Variants in ABCC6 observed in about 807,000 individuals in gnomAD.
ABCC6 encodes ATP binding cassette subfamily C member 6.
Under a neutral mutation model 169.5 loss-of-function variants are expected in ABCC6, and 126 were observed. That is an observed-to-expected ratio of 0.74 (90% CI 0.64 to 0.86). The LOEUF (loss-of-function observed/expected upper bound fraction) is 0.86. Among genes scored for constraint, ABCC6 ranks in the 40% least tolerant of loss-of-function variants. The pLI, the probability that ABCC6 is intolerant of heterozygous loss-of-function variation, is 0.00. For synonymous variants in ABCC6, 752 were observed against 814.7 expected, an observed-to-expected ratio of 0.92 and a Z score of 1.31; for missense variants, 1,733 against 1,927.2, an observed-to-expected ratio of 0.90 and a Z score of 1.89.
At chr16:16,183,792 C>T (rs1029351116) in intron 15 of ABCC6, among the ~76,000 whole-genome samples, 1 of 152,128 alleles carries the variant, frequency 6.6e-6, no homozygotes, top group Non-Finnish European at 1.5e-5. Context: ...CACACGACAG[C>T]CCCCAACAAA....
chr16:16,195,303 A>ATTT (rs61393724), intron 10 of ABCC6, among the ~76,000 whole-genome samples: 17 of 96,612 alleles, frequency 1.8e-4, no homozygotes, highest in African/African-American at 5.4e-4. Context: ...GTCTCATCTA[A>ATTT]TTTTTTTTTT....
intron 29 of ABCC6, among the ~76,000 whole-genome samples, chr16:16,151,896 TAA>T (rs1376228832): frequency 1.3e-5 from 2 of 151,892 alleles, no homozygotes. Context: ...ACATGGCACA[TAA>T]AAGTGTGTGG....
At chr16:16,154,325 A>G (rs1448918127) in intron 29 of ABCC6, among the ~76,000 whole-genome samples, 1 of 152,176 alleles carries the variant, frequency 6.6e-6, no homozygotes, top group Non-Finnish European at 1.5e-5. Context: ...GATATCAAAC[A>G]ATATTTTCAT....
At chr16:16,193,796 T>C (rs2047945040) in intron 10 of ABCC6, among the ~76,000 whole-genome samples, 1 of 152,166 alleles carries the variant, frequency 6.6e-6, no homozygotes, top group South Asian at 2.1e-4. Flanking sequence ...GAACCCTCTT[T>C]TGGGATCTGG....
intron 21 of ABCC6, among the ~76,000 whole-genome samples, chr16:16,172,092 G>A (rs1596631219): frequency 1.4e-5 from 2 of 147,344 alleles, no homozygotes; most frequent in African/African-American, 5.1e-5. Context: ...ATGAGTGGGT[G>A]GGATGGCTAA....
In ABCC6 at chr16:16,161,706, G is replaced by A. The variant is rs930227151; in HGVS notation, c.3507-142C>T. The A allele has an allele frequency of 5.3e-6, 6 of 1,139,216 alleles. No individual in the cohort carries two copies. In the Admixed American group the frequency reaches 5.9e-5, roughly 11 times the overall value. The allele number at this position is 1,139,216 out of a possible 1,614,324, so 70.6% of individuals were successfully genotyped here. ...GCCTCCACATGCAACCCAGGCTCAG[G>A]GAGTAGAGGAAGATGACACCGTCCT... On this transcript the variant is annotated intron_variant, in intron 24 of 30. Coordinates refer to ENST00000205557, the MANE Select transcript of ABCC6 (RefSeq NM_001171.6).
chr16:16,197,172 G>A (rs1003544964), intron 10 of ABCC6, among the ~76,000 whole-genome samples: 25 of 152,244 alleles, frequency 1.6e-4, no homozygotes, highest in Admixed American at 1.2e-3. Context: ...TTTGTGGACA[G>A]TGGCTATGGT....
chr16:16,208,677 T>C (rs1002749676), intron 7 of ABCC6, 51 bp downstream of exon 7: 2 of 1,612,538 alleles, frequency 1.2e-6, no homozygotes, highest in Non-Finnish European at 1.7e-6. Context: ...CGGCCAATGA[T>C]GAGCTTTTCT....
intron 22 of ABCC6, among the ~76,000 whole-genome samples, chr16:16,169,056 G>A (rs536553500): frequency 1.7e-4 from 26 of 152,180 alleles, no homozygotes; most frequent in African/African-American, 4.6e-4. Context: ...CCTCCAGCCC[G>A]GGCAACAGAG....
At position 16,202,034 on chromosome 16, in the gene ABCC6, C is replaced by T. The variant is rs2048253315; in HGVS notation, c.1143G>A (p.Leu381=). 2 of 1,613,902 alleles carry T rather than the reference C, an allele frequency of 1.2e-6. No homozygotes were observed. The highest frequency in any genetic ancestry group is 2.2e-5 in the South Asian group (2 of 91,072). ...ACACCAGGCCAGTGATGGCCGACCG[C>T]AACCTCATCTGCAGCACCTTGAGCC... ...MYRLKVLQMR[L]RSAITGLVYR... Residue 381 remains leucine, a synonymous_variant, in exon 9 of 31, where the codon TTG becomes TTA. Coordinates refer to ENST00000205557, the MANE Select transcript of ABCC6 (RefSeq NM_001171.6).
intron 1 of ABCC6, among the ~76,000 whole-genome samples, chr16:16,222,329 A>G (rs1255463770): frequency 1.3e-5 from 2 of 152,080 alleles, no homozygotes; most frequent in African/African-American, 4.8e-5. Flanking sequence ...TCTGACCCCA[A>G]ACCTCGTTCG....
At chr16:16,171,717 T>C (rs1457706940) in intron 21 of ABCC6, among the ~76,000 whole-genome samples, 1 of 151,996 alleles carries the variant, frequency 6.6e-6, no homozygotes, top group Non-Finnish European at 1.5e-5. Flanking sequence ...ATGGGATGGA[T>C]AAATGAGTAG....
At position 16,198,215 on chromosome 16, in the gene ABCC6, G is replaced by C. The variant is rs372054694; in HGVS notation, c.1177-33C>G. 82 of 1,558,720 alleles carry C rather than the reference G, an allele frequency of 5.3e-5. No homozygotes were observed. The African/African-American group carries it at 9.9e-4, about 19-fold the overall frequency. On this transcript the variant is annotated intron_variant, in intron 9 of 30. Coordinates refer to ENST00000205557, the MANE Select transcript of ABCC6 (RefSeq NM_001171.6). ...GTGGGCAGAAGGAGAGAAGTAAAGTGGGGAGGCCGGGGCAGAGGGATGCCC... is the reference window on the plus strand; with the variant it reads ...GTGGGCAGAAGGAGAGAAGTAAAGTCGGGAGGCCGGGGCAGAGGGATGCCC...
chr16:16,191,107 A>T (rs2047839599), intron 11 of ABCC6, among the ~76,000 whole-genome samples: 1 of 151,734 alleles, frequency 6.6e-6, no homozygotes, highest in African/African-American at 2.4e-5. Flanking sequence ...TCAGAGGGGC[A>T]GCTGCCTGGA....
intron 15 of ABCC6, 33 bp downstream of exon 15, chr16:16,184,926 A>T: frequency 6.3e-7 from 1 of 1,595,284 alleles, no homozygotes; most frequent in Non-Finnish European, 8.6e-7. Flanking sequence ...CCCTAAAAAC[A>T]TGAGGCTGGT....
At chr16:16,151,059 T>A (rs1429539316) in intron 29 of ABCC6, among the ~76,000 whole-genome samples, 1 of 152,180 alleles carries the variant, frequency 6.6e-6, no homozygotes, top group East Asian at 1.9e-4. Flanking sequence ...TCTTTTTTTC[T>A]TCTTCGTTTT....
intron 9 of ABCC6, among the ~76,000 whole-genome samples, 196 bp downstream of exon 9, chr16:16,201,805 G>A (rs1473362968): frequency 6.6e-6 from 1 of 152,168 alleles, no homozygotes; most frequent in East Asian, 1.9e-4. Context: ...TCCAGCCTGG[G>A]TGACAGAGCA....
chr16:16,151,276 T>C (rs1306920355), intron 29 of ABCC6, among the ~76,000 whole-genome samples: 2 of 152,008 alleles, frequency 1.3e-5, no homozygotes, highest in African/African-American at 2.4e-5. Flanking sequence ...TGGTCCGACT[T>C]GTTTGAAACT....
chr16:16,180,689 C>T (rs183144287), intron 17 of ABCC6, among the ~76,000 whole-genome samples: 14 of 152,224 alleles, frequency 9.2e-5, no homozygotes, highest in Non-Finnish European at 1.8e-4. Context: ...TGGGGCTTCA[C>T]CATGTTGGCC....
Sources: gnomAD v4.1 joint callset for allele counts (sites outside exome capture counted in the v4.1 genomes callset) on GRCh38, gnomAD v4.1.1 for gene constraint, MANE v1.5 for transcripts, NCBI Gene and HGNC (gene_info 2026-07-23, HGNC 2026-07-21) for gene names.